FAM13A: variants seen among roughly 807,000 people sequenced by gnomAD.
The protein encoded by FAM13A is protein FAM13A.
FAM13A carries 76 observed loss-of-function variants against 129.6 expected under a neutral mutation model. That is an observed-to-expected ratio of 0.59 (90% CI 0.49 to 0.71). The LOEUF (loss-of-function observed/expected upper bound fraction) is 0.71. Among genes scored for constraint, FAM13A ranks in the 30% least tolerant of loss-of-function variants. FAM13A has a pLI of 0.00. For missense variants in FAM13A, 1,108 were observed against 1,249.3 expected (o/e 0.89, Z 1.70); for synonymous variants, 443 against 449.9 (o/e 0.98, Z 0.20).
rs773808589 is a variant in FAM13A, at chr4:88,847,031, A to G, written c.1007+3989T>C. Among the ~76,000 whole-genome samples the G allele has an allele frequency of 2.6e-5, 4 of 152,380 alleles. No homozygotes were observed. In the South Asian group the frequency reaches 8.3e-4, roughly 32 times the overall value. The stretch of plus-strand genomic sequence containing the variant: ...TTAAAATTTATTTTTAATTATCTCC[A>G]ATTATCTTTTGATAATTTGTCTCAC... On this transcript the variant is annotated intron_variant, in intron 7 of 23. Transcript: ENST00000264344.
At chr4:89,005,351 T>C (rs751697797) in intron 3 of FAM13A, among the ~76,000 whole-genome samples, 7 of 152,220 alleles carry the variant, frequency 4.6e-5, no homozygotes, top group Non-Finnish European at 8.8e-5. Flanking sequence ...GTCTTTGCTA[T>C]TGTGAATAGT....
intron 21 of FAM13A, among the ~76,000 whole-genome samples, chr4:88,734,492 GAA>G (rs372122499): frequency 6.6e-5 from 10 of 152,302 alleles, no homozygotes; most frequent in African/African-American, 2.4e-4. Flanking sequence ...TAACAAATTG[GAA>G]AAATTCAAGG....
intron 6 of FAM13A, among the ~76,000 whole-genome samples, chr4:88,904,016 A>G (rs939676853): frequency 1.3e-5 from 2 of 152,224 alleles, no homozygotes; most frequent in Non-Finnish European, 2.9e-5. Flanking sequence ...TCAGGAAAAT[A>G]AGCTCAACAT....
Position 88,990,820 on chromosome 4 carries a change from A to G in FAM13A, c.605+153T>C, listed in dbSNP as rs946467211. The stretch of plus-strand genomic sequence containing the variant: ...CTTCTTCAAATTGGGATGAAAAACA[A>G]GGCTAACATGCCCAAGAACAAGATA... On this transcript the variant is annotated intron_variant, in intron 4 of 23. Transcript: ENST00000264344. 4 of 517,956 alleles carry G rather than the reference A, an allele frequency of 7.7e-6. No individual in the cohort carries two copies. In the Admixed American group the frequency reaches 1.1e-4, roughly 14 times the overall value. 32.1% of individuals were successfully genotyped at this position (517,956 alleles called of 1,614,324 possible). A position where few individuals can be genotyped will look rare whatever the true frequency, so the allele number is the denominator to read the frequency against.
intron 14 of FAM13A, among the ~76,000 whole-genome samples, chr4:88,751,260 C>CA (rs1471654495): frequency 8.1e-4 from 122 of 149,838 alleles, no homozygotes; most frequent in Middle Eastern, 3.4e-3. Context: ...AACAAGCAAA[C>CA]AAAAAAAAAC....
At chr4:89,024,238 T>G (rs142916197) in intron 2 of FAM13A, among the ~76,000 whole-genome samples, 20 of 152,090 alleles carry the variant, frequency 1.3e-4, no homozygotes, top group Non-Finnish European at 2.5e-4. Flanking sequence ...AGTATGACAA[T>G]AAGTAAGCAC....
intron 6 of FAM13A, among the ~76,000 whole-genome samples, chr4:88,889,102 G>C (rs1744937282): frequency 6.6e-6 from 1 of 152,138 alleles, no homozygotes; most frequent in African/African-American, 2.4e-5. Context: ...ACAGGCAATG[G>C]AATTCCTCAC....
chr4:88,997,274 T>G (rs746111859), intron 3 of FAM13A, among the ~76,000 whole-genome samples: 68 of 152,242 alleles, frequency 4.5e-4, no homozygotes, highest in Non-Finnish European at 8.4e-4. Flanking sequence ...TGGTTCACAA[T>G]TAAAATAGTC....
At chr4:89,052,333 A>G (rs1443342108) in intron 1 of FAM13A, among the ~76,000 whole-genome samples, 2 of 148,880 alleles carry the variant, frequency 1.3e-5, no homozygotes, top group Non-Finnish European at 3.0e-5. Flanking sequence ...TTATACTTTA[A>G]GTTTTAGGGT....
At chr4:88,738,966 A>G (rs1739587020) in intron 20 of FAM13A, 64 bp downstream of exon 20, 3 of 1,038,376 alleles carry the variant, frequency 2.9e-6, no homozygotes, top group Non-Finnish European at 1.5e-6. Flanking sequence ...GGCCCTATTC[A>G]TATATCCAGG....
At chr4:88,889,577 T>A (rs1162184441) in intron 6 of FAM13A, among the ~76,000 whole-genome samples, 1 of 152,240 alleles carries the variant, frequency 6.6e-6, no homozygotes. Context: ...TCCCTCTTCC[T>A]GTGCTCACTG....
intron 19 of FAM13A, among the ~76,000 whole-genome samples, chr4:88,746,360 C>T (rs1209289839): frequency 2.6e-5 from 4 of 152,186 alleles, no homozygotes; most frequent in Non-Finnish European, 5.9e-5. Flanking sequence ...GCTTGCTGAA[C>T]GGCAAGCCAC....
At chr4:88,863,009 C>CTT (rs1561191963) in intron 6 of FAM13A, among the ~76,000 whole-genome samples, 1 of 64,648 alleles carries the variant, frequency 1.5e-5, no homozygotes, top group Non-Finnish European at 3.0e-5. Flanking sequence ...CAAATATATA[C>CTT]ATATATATTT....
At chr4:88,750,858 A>T (rs531922084) in intron 14 of FAM13A, among the ~76,000 whole-genome samples, 1 of 152,264 alleles carries the variant, frequency 6.6e-6, no homozygotes, top group East Asian at 1.9e-4. Flanking sequence ...TTCCATTCTC[A>T]CTGGCTTTCC....
intron 5 of FAM13A, among the ~76,000 whole-genome samples, chr4:88,919,275 C>A (rs1219992591): frequency 3.3e-5 from 5 of 152,176 alleles, no homozygotes; most frequent in Admixed American, 3.3e-4. Flanking sequence ...CCATGTACAG[C>A]AGTCAGCATG....
intron 6 of FAM13A, among the ~76,000 whole-genome samples, chr4:88,864,477 C>T (rs928921756): frequency 6.6e-6 from 1 of 152,316 alleles, no homozygotes; most frequent in East Asian, 1.9e-4. Flanking sequence ...GGCACGATAT[C>T]AGCTTACTGC....
intron 6 of FAM13A, among the ~76,000 whole-genome samples, chr4:88,868,925 G>A (rs1247587224): frequency 2.0e-5 from 3 of 152,006 alleles, no homozygotes; most frequent in Non-Finnish European, 4.4e-5. Flanking sequence ...TTTTATCTTT[G>A]TCCAGACATC....
intron 22 of FAM13A, chr4:88,731,684 A>G: frequency 1.9e-6 from 1 of 524,096 alleles, no homozygotes; most frequent in South Asian, 3.0e-5. Context: ...GCACTTTGTC[A>G]TATTTTTCTT....
intron 6 of FAM13A, among the ~76,000 whole-genome samples, chr4:88,866,172 G>A (rs773100691): frequency 4.0e-5 from 6 of 151,776 alleles, no homozygotes; most frequent in African/African-American, 1.2e-4. Context: ...TCAGCCTCCC[G>A]AGTAGCTGGG....
Sources: allele counts gnomAD v4.1 joint callset (sites outside exome capture counted in the v4.1 genomes callset), GRCh38; gene constraint gnomAD v4.1.1; transcripts MANE v1.5; gene names NCBI Gene and HGNC (gene_info 2026-07-23, HGNC 2026-07-21).